Variants in USH2A observed in about 807,000 individuals in gnomAD.
USH2A encodes the protein usherin.
Under a neutral mutation model 538.9 loss-of-function variants are expected in USH2A, and 443 were observed. That is an observed-to-expected ratio of 0.82 (90% confidence interval 0.76 to 0.89). The LOEUF (loss-of-function observed/expected upper bound fraction) is 0.89. Among genes scored for constraint, USH2A ranks in the 40% least tolerant of loss-of-function variants. The pLI, the probability that USH2A is intolerant of heterozygous loss-of-function variation, is 0.00. For missense variants in USH2A, 6,633 were observed against 6,324.8 expected (o/e 1.05, Z -1.65); for synonymous variants, 2,413 against 2,273.5 (o/e 1.06, Z -1.75).
At chr1:216,013,470 T>TG (rs1251668259) in intron 32 of USH2A, among the ~76,000 whole-genome samples, 6 of 152,062 alleles carry the variant, frequency 3.9e-5, no homozygotes, top group Non-Finnish European at 8.8e-5. Context: ...GTCAGGCCTC[T>TG]GAGCCCAAGC....
intron 40 of USH2A, 147 bp from the exon 41 acceptor site, chr1:215,889,201 G>T: frequency 1.1e-6 from 1 of 943,608 alleles, no homozygotes; most frequent in Non-Finnish European, 1.6e-6. Context: ...GTGCCATAAA[G>T]ACAAGGACTG....
In USH2A at chr1:216,289,366, C is replaced by A. The variant is rs2036953895; in HGVS notation, c.1885G>T (p.Gly629Cys). 1 of 1,613,966 alleles carries A rather than the reference C, an allele frequency of 6.2e-7. No individual in the cohort carries two copies. Among genetic ancestry groups the A allele is most frequent in the South Asian group, 1.1e-5 (1 of 91,086 alleles). ...LCKDYFFRQV[G>C]ADPSAIDVCK... ...ACATCTATGGCCGAAGGATCTGCAC[C>A]AACTTGTCGGAAAAAGTAATCCTTG... The change falls in exon 11 of 72, where the codon GGT becomes TGT. Residue 629 changes from glycine to cysteine, a missense_variant. Gly to Cys is a radical substitution (Grantham distance 159). Coordinates refer to ENST00000307340, the MANE Select transcript of USH2A (RefSeq NM_206933.4).
chr1:216,292,272 G>C lies in USH2A; in HGVS notation c.1743C>G (p.Ser581=), dbSNP rs778651163. Residue 581 remains serine, a synonymous_variant, in exon 10 of 72, where the codon TCC becomes TCG. Coordinates refer to ENST00000307340, the MANE Select transcript of USH2A (RefSeq NM_206933.4). ...CAGAGATGTTGTAATGGCAGCTTTT[G>C]GAATGGCTGTTGCATTGACAAGGTT... ...NCKPCQCNSH[S]KSCHYNISVD... is the part of the protein sequence containing the mutation. 4 of 1,614,024 alleles carry C rather than the reference G, an allele frequency of 2.5e-6. No homozygotes were observed. Among genetic ancestry groups the C allele is most frequent in the African/African-American group, 1.3e-5 (1 of 75,016 alleles).
At position 215,680,407 on chromosome 1, in the gene USH2A, T is replaced by A. The variant is rs1270513838; in HGVS notation, c.12067-31A>T. Reference sequence around the variant, plus strand: ...AGAAAATTAACAGGTTAAGTTGTTGTTTTTTTTTTTTGAAACTGACAATAT... The same window carrying A: ...AGAAAATTAACAGGTTAAGTTGTTGATTTTTTTTTTTGAAACTGACAATAT... On this transcript the variant is annotated intron_variant, in intron 61 of 71. Transcript: ENST00000307340. The A allele has an allele frequency of 4.7e-4, 3 of 6,448 alleles. No individual in the cohort carries two copies. The South Asian group carries it at 6.5e-3, about 14-fold the overall frequency. The allele number at this position is 6,448 out of a possible 1,614,324, so 0.4% of individuals were successfully genotyped here.
chr1:216,047,061 T>C (rs2030550697), intron 31 of USH2A, among the ~76,000 whole-genome samples: 1 of 152,204 alleles, frequency 6.6e-6, no homozygotes, highest in Non-Finnish European at 1.5e-5. Flanking sequence ...AAAACTTTAG[T>C]GCATATTTTT....
intron 19 of USH2A, 37 bp downstream of exon 19, chr1:216,196,516 C>A (rs776374336): frequency 1.2e-6 from 2 of 1,611,758 alleles, no homozygotes; most frequent in Non-Finnish European, 8.5e-7. Flanking sequence ...AAGCCCTAAG[C>A]CAATTCTGAA....
chr1:216,207,478 C>G, intron 15 of USH2A, 47 bp from the exon 16 acceptor site: 2 of 1,611,794 alleles, frequency 1.2e-6, no homozygotes, highest in South Asian at 1.1e-5. Context: ...AATCAATAAA[C>G]AGAAAAGCAA....
chr1:216,077,857 T>C (rs1452971474), intron 27 of USH2A, among the ~76,000 whole-genome samples: 2 of 151,732 alleles, frequency 1.3e-5, no homozygotes, highest in East Asian at 3.9e-4. Flanking sequence ...TGAGGACATA[T>C]TGAAATAAAT....
Position 215,889,054 on chromosome 1 carries a change from T to G in USH2A, c.7595A>C (p.Lys2532Thr), listed in dbSNP as rs112273610. The G allele has an allele frequency of 7.9e-5, 128 of 1,613,166 alleles. 1 individual carries two copies. In the African/African-American group the frequency reaches 1.4e-3, roughly 17 times the overall value. The change falls in exon 41 of 72, where the codon AAA becomes ACA. Residue 2532 changes from lysine (K) to threonine (T), a missense_variant and splice_region_variant. Lys to Thr is a moderately conservative substitution (Grantham distance 78). Coordinates refer to ENST00000307340, the MANE Select transcript of USH2A (RefSeq NM_206933.4). The stretch of plus-strand genomic sequence containing the variant: ...AATCGGAGGAACTACAGGTCCAGGT[T>G]CTGTAAAGTAAAATAAATCCAGAAA... The part of the protein sequence containing the change: ...SWIPFMTAED[K>T]PGPVVPPILL...
At chr1:216,073,037 G>A (rs570172948) in intron 28 of USH2A, 60 bp downstream of exon 28, 2 of 1,612,646 alleles carry the variant, frequency 1.2e-6, no homozygotes, top group Admixed American at 1.7e-5. Flanking sequence ...GGCTGGCAGG[G>A]AGGGAAAGGG....
chr1:216,021,053 G>A (rs1668833885), intron 32 of USH2A, among the ~76,000 whole-genome samples: 1 of 152,066 alleles, frequency 6.6e-6, no homozygotes, highest in South Asian at 2.1e-4. Flanking sequence ...TTAAATCTAT[G>A]GAGTCTTACT....
At chr1:216,160,420 A>G (rs147737221) in intron 21 of USH2A, among the ~76,000 whole-genome samples, 3,635 of 152,194 alleles carry the variant, frequency 0.024, 55 homozygotes, top group Non-Finnish European at 0.037. Context: ...CAATCGGATT[A>G]TGTTTTAGAT....
chr1:216,369,353 C>T (rs2038659268), intron 3 of USH2A, among the ~76,000 whole-genome samples: 1 of 152,134 alleles, frequency 6.6e-6, no homozygotes, highest in Non-Finnish European at 1.5e-5. Context: ...CATCCTAAAC[C>T]TAAGGCCTTC....
intron 21 of USH2A, among the ~76,000 whole-genome samples, chr1:216,101,125 T>C (rs1444423438): frequency 2.0e-5 from 3 of 152,194 alleles, no homozygotes; most frequent in Non-Finnish European, 2.9e-5. Context: ...AAATTAAAAA[T>C]GCACACGTTC....
intron 4 of USH2A, among the ~76,000 whole-genome samples, chr1:216,348,748 T>C (rs887982009): frequency 1.3e-5 from 2 of 152,168 alleles, no homozygotes; most frequent in Non-Finnish European, 1.5e-5. Flanking sequence ...TCAAAAACTA[T>C]GGTACACCTG....
At chr1:215,946,696 C>T (rs1212977845) in intron 37 of USH2A, among the ~76,000 whole-genome samples, 1 of 152,168 alleles carries the variant, frequency 6.6e-6, no homozygotes, top group Non-Finnish European at 1.5e-5. Flanking sequence ...CCACATATGG[C>T]TATTGAGCAC....
At chr1:215,884,406 A>G (rs1416225677) in intron 41 of USH2A, among the ~76,000 whole-genome samples, 1 of 152,142 alleles carries the variant, frequency 6.6e-6, no homozygotes, top group Non-Finnish European at 1.5e-5. Context: ...GTTGCAGTGT[A>G]AAGAAGTAGA....
intron 37 of USH2A, among the ~76,000 whole-genome samples, chr1:215,963,717 C>T (rs1294302232): frequency 2.0e-5 from 3 of 152,098 alleles, no homozygotes; most frequent in Admixed American, 6.6e-5. Flanking sequence ...TTTAATAATG[C>T]TTGCCTTGGT....
At chr1:216,241,340 T>C (rs1176401001) in intron 13 of USH2A, among the ~76,000 whole-genome samples, 2 of 152,226 alleles carry the variant, frequency 1.3e-5, no homozygotes, top group Non-Finnish European at 2.9e-5. Flanking sequence ...AGGAAAATGA[T>C]AAGGCAGGGC....
Sources: allele counts gnomAD v4.1 joint callset (sites outside exome capture counted in the v4.1 genomes callset), GRCh38; gene constraint gnomAD v4.1.1; transcripts MANE v1.5; gene names NCBI Gene and HGNC (gene_info 2026-07-23, HGNC 2026-07-21).